The following DCLK1 variants were observed in gnomAD, a reference collection of about 807,000 sequenced individuals.
DCLK1 encodes doublecortin like kinase 1.
DCLK1 carries 16 observed loss-of-function variants against 86.2 expected under a neutral mutation model. That is an observed-to-expected ratio of 0.19 (90% CI 0.13 to 0.28). The LOEUF (loss-of-function observed/expected upper bound fraction) is 0.28, where lower values mean the gene tolerates loss of function less well. DCLK1 is among the 10% of genes least tolerant of loss of function. The pLI is 1.00. For synonymous variants in DCLK1, 369 were observed against 370.5 expected (o/e 1.00, Z 0.05); for missense variants, 590 against 940.2 (o/e 0.63, Z 4.87).
chr13:35,992,795 T>C (rs1288614965), intron 3 of DCLK1, among the ~76,000 whole-genome samples: 2 of 152,208 alleles, frequency 1.3e-5, no homozygotes, highest in Non-Finnish European at 2.9e-5. Flanking sequence ...ATCACTCTAT[T>C]TCTCCTCTTT....
intron 3 of DCLK1, among the ~76,000 whole-genome samples, chr13:35,998,928 T>C (rs1167707348): frequency 1.3e-5 from 2 of 152,100 alleles, no homozygotes; most frequent in African/African-American, 2.4e-5. Context: ...TCAATGGTGA[T>C]AAAGGATTTT....
rs950132374 is a variant in DCLK1 at position 35,793,333 on chromosome 13, A to G, written c.2058+33T>C. 1.9e-6 allele frequency: 3 copies of G among 1,571,626 alleles called. No homozygotes were observed. The African/African-American group carries it at 4.1e-5, about 22-fold the overall frequency. ...CTGTCTCTTAGGTGGGTTGCTTTAA[A>G]AAAAGTTATAGGTGGATATTTCAGA... On this transcript the variant is annotated intron_variant, in intron 16 of 16. Transcript: ENST00000360631.
chr13:35,863,536 G>A (rs13378131), intron 5 of DCLK1, among the ~76,000 whole-genome samples: 4,695 of 152,282 alleles, frequency 0.031, 278 homozygotes, highest in African/African-American at 0.11. Context: ...GCAGAGAAAG[G>A]AGAAATGGAA....
chr13:35,778,963 C>T (rs1243719141), intron 16 of DCLK1, among the ~76,000 whole-genome samples: 1 of 152,140 alleles, frequency 6.6e-6, no homozygotes, highest in Admixed American at 6.6e-5. Flanking sequence ...GTTCAAGGTA[C>T]TCGCCAACAT....
At chr13:35,792,355 G>A (rs757357447) in intron 16 of DCLK1, among the ~76,000 whole-genome samples, 12 of 151,902 alleles carry the variant, frequency 7.9e-5, no homozygotes, top group Non-Finnish European at 1.5e-4. Context: ...CAGATCACTT[G>A]TTTATCTTCA....
chr13:35,997,009 A>G (rs964400794), intron 3 of DCLK1, among the ~76,000 whole-genome samples: 1 of 152,132 alleles, frequency 6.6e-6, no homozygotes, highest in African/African-American at 2.4e-5. Flanking sequence ...CTACATCTGC[A>G]TGCAGGAACA....
chr13:35,867,897 G>GAAAA (rs1871925846), intron 5 of DCLK1, among the ~76,000 whole-genome samples: 2 of 42,320 alleles, frequency 4.7e-5, no homozygotes, highest in African/African-American at 2.2e-4. Flanking sequence ...GAGAGAAAGA[G>GAAAA]AGAAAGAAAG....
At chr13:36,069,364 CAAG>C (rs1466217806) in intron 3 of DCLK1, among the ~76,000 whole-genome samples, 1 of 152,128 alleles carries the variant, frequency 6.6e-6, no homozygotes, top group Non-Finnish European at 1.5e-5. Flanking sequence ...GAAATAAAGA[CAAG>C]AAGTGAAAAA....
At chr13:35,997,554 C>T (rs371814767) in intron 3 of DCLK1, among the ~76,000 whole-genome samples, 3 of 152,118 alleles carry the variant, frequency 2.0e-5, no homozygotes, top group East Asian at 3.9e-4. Flanking sequence ...TTTTTAATAC[C>T]GATGATCATG....
At chr13:35,936,962 C>CTTTTTTT (rs140269668) in intron 4 of DCLK1, among the ~76,000 whole-genome samples, 14 of 65,734 alleles carry the variant, frequency 2.1e-4, no homozygotes, top group East Asian at 6.2e-4. Flanking sequence ...GAAAAGTTAG[C>CTTTTTTT]TTTTTTTTTT....
At chr13:36,007,651 TA>T (rs1342132091) in intron 3 of DCLK1, among the ~76,000 whole-genome samples, 5 of 152,186 alleles carry the variant, frequency 3.3e-5, no homozygotes, top group Admixed American at 3.3e-4. Flanking sequence ...TTCCCTAAAA[TA>T]ATATTTCCTT....
chr13:35,910,696 T>G (rs1874966575), intron 4 of DCLK1, among the ~76,000 whole-genome samples: 1 of 152,186 alleles, frequency 6.6e-6, no homozygotes, highest in Non-Finnish European at 1.5e-5. Flanking sequence ...AGCACCTTCC[T>G]GGCAACAGAA....
At chr13:35,871,184 G>T in intron 5 of DCLK1, 40 bp downstream of exon 5, 1 of 1,548,808 alleles carries the variant, frequency 6.5e-7, no homozygotes, top group African/African-American at 1.4e-5. Context: ...CCTGTGTCAG[G>T]AACAAGGCAA....
At chr13:36,073,484 A>G (rs1884054008) in intron 3 of DCLK1, among the ~76,000 whole-genome samples, 1 of 152,192 alleles carries the variant, frequency 6.6e-6, no homozygotes, top group South Asian at 2.1e-4. Flanking sequence ...ATGTGGGTTT[A>G]CAAAAACAAA....
chr13:36,084,683 T>C (rs1239559341), intron 3 of DCLK1, among the ~76,000 whole-genome samples: 1 of 152,260 alleles, frequency 6.6e-6, no homozygotes, highest in African/African-American at 2.4e-5. Flanking sequence ...AAATCTCTAT[T>C]AGAAAGACTA....
intron 16 of DCLK1, among the ~76,000 whole-genome samples, chr13:35,784,846 C>A (rs762396908): frequency 6.6e-6 from 1 of 152,110 alleles, no homozygotes; most frequent in Non-Finnish European, 1.5e-5. Flanking sequence ...TGCTTCTGGC[C>A]GAGGCGGGCC....
intron 12 of DCLK1, among the ~76,000 whole-genome samples, chr13:35,809,433 C>T (rs898937821): frequency 3.3e-5 from 5 of 152,026 alleles, no homozygotes; most frequent in African/African-American, 9.7e-5. Context: ...AGATAAACTC[C>T]CTCACTTTAG....
At chr13:35,989,099 A>G (rs1396061543) in intron 3 of DCLK1, among the ~76,000 whole-genome samples, 2 of 152,228 alleles carry the variant, frequency 1.3e-5, no homozygotes, top group Non-Finnish European at 2.9e-5. Context: ...ATAGGGGTAC[A>G]GAATCCATAA....
At chr13:36,078,147 G>A (rs1884277680) in intron 3 of DCLK1, among the ~76,000 whole-genome samples, 1 of 152,180 alleles carries the variant, frequency 6.6e-6, no homozygotes. Flanking sequence ...AGACCCCAGA[G>A]CTTCCACTCT....
Sources: gnomAD v4.1 joint callset for allele counts (sites outside exome capture counted in the v4.1 genomes callset) on GRCh38, gnomAD v4.1.1 for gene constraint, MANE v1.5 for transcripts, NCBI Gene and HGNC (gene_info 2026-07-23, HGNC 2026-07-21) for gene names.